The following ROBO2 variants were observed in gnomAD, a reference collection of about 807,000 sequenced individuals.
ROBO2 encodes roundabout homolog 2.
Under a neutral mutation model 160.8 loss-of-function variants are expected in ROBO2, and 53 were observed. The observed-to-expected ratio is 0.33, with a 90% CI of 0.26 to 0.41. The LOEUF is 0.41. ROBO2 is among the 10% of genes least tolerant of loss of function. The probability of loss-of-function intolerance (pLI) is 1.00; values close to 1 mark genes in which losing one functional copy is unlikely to be tolerated. For synonymous variants in ROBO2, 664 were observed against 611.7 expected, an observed-to-expected ratio of 1.09 and a Z score of -1.26; for missense variants, 1,577 against 1,722.4, an observed-to-expected ratio of 0.92 and a Z score of 1.49.
intron 2 of ROBO2, among the ~76,000 whole-genome samples, chr3:76,716,450 A>C (rs2093380670): frequency 6.6e-6 from 1 of 152,208 alleles, no homozygotes; most frequent in Non-Finnish European, 1.5e-5. Flanking sequence ...TTGGCTATTA[A>C]AAAATCTCTG....
intron 2 of ROBO2, among the ~76,000 whole-genome samples, chr3:76,655,438 C>CAATATATATATATATATATATATA (rs1192030281): frequency 6.7e-5 from 1 of 15,014 alleles, no homozygotes; most frequent in Non-Finnish European, 1.2e-4. Context: ...GGATTTTTTT[C>CAATATATATATATATATATATATA]CATATATATA....
intron 9 of ROBO2, among the ~76,000 whole-genome samples, chr3:77,561,293 A>T (rs965677173): frequency 1.3e-5 from 2 of 152,156 alleles, no homozygotes; most frequent in Non-Finnish European, 2.9e-5. Context: ...AATTAGACTG[A>T]TGTTCATCAC....
Position 76,764,646 on chromosome 3 carries a change from A to G in ROBO2, c.110-333368A>G, listed in dbSNP as rs116030680. Among the ~76,000 whole-genome samples, 126 of 151,736 alleles carry G rather than the reference A, an allele frequency of 8.3e-4. 2 individuals are homozygous for G. In the East Asian group the frequency reaches 0.017, roughly 21 times the overall value. ...AATTCAGTATTTTTGTTCATGTTTC[A>G]TGCCATCTCAAATGCTTTCAGAATG... is the stretch of plus-strand genomic sequence containing the variant. On this transcript the variant is annotated intron_variant, in intron 2 of 26. Transcript: ENST00000487694.
intron 2 of ROBO2, among the ~76,000 whole-genome samples, chr3:76,665,966 AATAT>A (rs1388246069): frequency 1.4e-5 from 2 of 140,986 alleles, no homozygotes; most frequent in South Asian, 2.1e-4. Flanking sequence ...ATATACATAT[AATAT>A]ATATAATATA....
At chr3:77,322,009 G>A (rs2064761174) in intron 2 of ROBO2, among the ~76,000 whole-genome samples, 1 of 152,176 alleles carries the variant, frequency 6.6e-6, no homozygotes, top group African/African-American at 2.4e-5. Context: ...AGGGCTTCAA[G>A]TATGGAAGGC....
chr3:77,032,333 A>G (rs1050463046), intron 2 of ROBO2, among the ~76,000 whole-genome samples: 2 of 152,172 alleles, frequency 1.3e-5, no homozygotes, highest in Non-Finnish European at 2.9e-5. Flanking sequence ...TTACATCATC[A>G]ATTTGAGCTT....
chr3:77,445,266 A>C (rs1305785480), intron 2 of ROBO2, among the ~76,000 whole-genome samples: 1 of 152,172 alleles, frequency 6.6e-6, no homozygotes, highest in Non-Finnish European at 1.5e-5. Context: ...TTTAAGGAAA[A>C]ATATGAAATT....
intron 2 of ROBO2, among the ~76,000 whole-genome samples, chr3:76,831,065 A>T (rs1462050755): frequency 6.6e-6 from 1 of 152,092 alleles, no homozygotes; most frequent in African/African-American, 2.4e-5. Flanking sequence ...ATTATCTTAC[A>T]TTTATTCTTT....
chr3:77,074,274 G>A (rs189838914), intron 1 of ROBO2, among the ~76,000 whole-genome samples: 5 of 152,296 alleles, frequency 3.3e-5, no homozygotes, highest in Admixed American at 1.3e-4. Flanking sequence ...GTCTCCAGAA[G>A]TGTTAACTTG....
chr3:76,417,770 GA>G (rs528401140), intron 2 of ROBO2, among the ~76,000 whole-genome samples: 138 of 150,658 alleles, frequency 9.2e-4, no homozygotes, highest in Middle Eastern at 3.4e-3. Flanking sequence ...ATAATTAGGT[GA>G]AAAAAAAATC....
chr3:76,210,420 T>C (rs988423732), intron 2 of ROBO2, among the ~76,000 whole-genome samples: 5 of 152,064 alleles, frequency 3.3e-5, no homozygotes, highest in Admixed American at 3.3e-4. Flanking sequence ...TTGATATTTT[T>C]GTCTACTAGG....
At chr3:76,620,686 A>G (rs2088996400) in intron 2 of ROBO2, among the ~76,000 whole-genome samples, 2 of 152,214 alleles carry the variant, frequency 1.3e-5, no homozygotes, top group East Asian at 1.9e-4. Context: ...ACATATCTGT[A>G]TAGCTATTTC....
chr3:77,288,636 A>ATT (rs145775080), intron 2 of ROBO2, among the ~76,000 whole-genome samples: 3 of 152,136 alleles, frequency 2.0e-5, no homozygotes, highest in African/African-American at 7.2e-5. Context: ...AACATGGCAG[A>ATT]TTTTTTTTAC....
chr3:76,747,260 G>A (rs1284365963), intron 2 of ROBO2, among the ~76,000 whole-genome samples: 1 of 152,080 alleles, frequency 6.6e-6, no homozygotes. Flanking sequence ...GTGATTTGCA[G>A]AGCAGTGTAC....
Position 77,240,249 on chromosome 3 carries a change from A to G in ROBO2, c.388+141909A>G, listed in dbSNP as rs1461033206. ...CCTGCCCCGCAGGGAGGCAGCTGAG[A>G]CCCGGCAAGAATTCGAGTGTGGCGC... On this transcript the variant is annotated intron_variant, in intron 2 of 25. Coordinates refer to ENST00000461745, the Ensembl canonical transcript of ROBO2. Among the ~76,000 whole-genome samples, 3 of 152,066 alleles carry G rather than the reference A, an allele frequency of 2.0e-5. No homozygotes were observed. In the East Asian group the frequency reaches 5.8e-4, roughly 29 times the overall value.
chr3:76,272,854 TAA>T (rs1216371792), intron 2 of ROBO2, among the ~76,000 whole-genome samples: 6 of 86,514 alleles, frequency 6.9e-5, no homozygotes, highest in Admixed American at 6.0e-4. Flanking sequence ...ATATTATATA[TAA>T]AATATATAAA....
chr3:76,591,846 A>C (rs1578373699), intron 2 of ROBO2, among the ~76,000 whole-genome samples: 1 of 152,162 alleles, frequency 6.6e-6, no homozygotes, highest in East Asian at 1.9e-4. Context: ...TCTCTGTGTG[A>C]AAGTGCTCTG....
intron 2 of ROBO2, among the ~76,000 whole-genome samples, chr3:76,175,311 A>T (rs922171814): frequency 2.6e-5 from 4 of 151,858 alleles, no homozygotes; most frequent in African/African-American, 9.7e-5. Flanking sequence ...CTGCAAACAG[A>T]TGACATGATT....
chr3:76,188,570 A>G (rs1264384725), intron 2 of ROBO2, among the ~76,000 whole-genome samples: 1 of 151,996 alleles, frequency 6.6e-6, no homozygotes, highest in Non-Finnish European at 1.5e-5. Flanking sequence ...TGAGGGAATA[A>G]ATTTCTGTTG....
Sources: gnomAD v4.1 joint callset for allele counts (sites outside exome capture counted in the v4.1 genomes callset) on GRCh38, gnomAD v4.1.1 for gene constraint, MANE v1.5 for transcripts, NCBI Gene and HGNC (gene_info 2026-07-23, HGNC 2026-07-21) for gene names.